The following EPHA6 variants were observed in gnomAD, a reference collection of about 807,000 sequenced individuals.
EPHA6 encodes ephrin type-A receptor 6.
Under a neutral mutation model 112.0 loss-of-function variants are expected in EPHA6, and 50 were observed. The ratio of observed to expected loss-of-function variants is 0.45; its 90% CI spans 0.36 to 0.56. The LOEUF is 0.56. Ranked by LOEUF, EPHA6 falls within the 20% of genes least tolerant of loss-of-function variation. EPHA6 has a pLI of 0.00. For synonymous variants in EPHA6, 529 were observed against 490.7 expected, an observed-to-expected ratio of 1.08 and a Z score of -1.03; for missense variants, 1,280 against 1,417.4, an observed-to-expected ratio of 0.90 and a Z score of 1.56.
chr3:97,760,647 G>A lies in EPHA6; in HGVS notation c.*11946G>A, dbSNP rs892436819. 1.7e-5 allele frequency: 3 copies of A among 180,124 alleles called. No homozygotes were observed. Among genetic ancestry groups the A allele is most frequent in the African/African-American group, 7.1e-5 (3 of 42,336 alleles). The allele number at this position is 180,124 out of a possible 1,614,324, so 11.2% of individuals were successfully genotyped here. ...ATGGTAGATGATATCAACAATTGCAGTGCACTCAAAATGTTATAAAATCTT... is the reference window on the plus strand; with the variant it reads ...ATGGTAGATGATATCAACAATTGCAATGCACTCAAAATGTTATAAAATCTT... On this transcript the variant is annotated 3_prime_UTR_variant, in exon 18 of 18. Coordinates refer to ENST00000389672, the MANE Select transcript of EPHA6 (RefSeq NM_001080448.3).
chr3:97,190,047 G>A (rs1252116682), intron 3 of EPHA6, among the ~76,000 whole-genome samples: 1 of 151,962 alleles, frequency 6.6e-6, no homozygotes, highest in African/African-American at 2.4e-5. Context: ...CTATCTATAA[G>A]CCATGGATAC....
intron 2 of EPHA6, among the ~76,000 whole-genome samples, chr3:96,901,722 G>A (rs113058345): frequency 0.01 from 1,583 of 152,150 alleles, 26 homozygotes; most frequent in African/African-American, 0.036. Flanking sequence ...AGAACAAAGA[G>A]GATCCCTGCT....
intron 9 of EPHA6, among the ~76,000 whole-genome samples, chr3:97,479,572 T>C (rs1422276551): frequency 6.6e-6 from 1 of 152,190 alleles, no homozygotes. Context: ...TTCCCAATTC[T>C]GCTTGCTGGA....
At chr3:97,162,073 A>G (rs1034409197) in intron 3 of EPHA6, among the ~76,000 whole-genome samples, 2 of 152,188 alleles carry the variant, frequency 1.3e-5, no homozygotes, top group Non-Finnish European at 1.5e-5. Flanking sequence ...AGCAGCTGCA[A>G]TTGGAGTCAC....
intron 10 of EPHA6, among the ~76,000 whole-genome samples, chr3:97,496,377 C>T (rs1336543720): frequency 6.6e-6 from 1 of 152,118 alleles, no homozygotes; most frequent in African/African-American, 2.4e-5. Flanking sequence ...TTTCTTTTAT[C>T]ATCACAAACC....
chr3:97,163,539 A>G (rs959234705), intron 3 of EPHA6, among the ~76,000 whole-genome samples: 3 of 152,104 alleles, frequency 2.0e-5, no homozygotes, highest in Non-Finnish European at 4.4e-5. Context: ...AATATAGGAC[A>G]CCTCCTTAGG....
intron 2 of EPHA6, among the ~76,000 whole-genome samples, chr3:96,924,326 G>A (rs1024426163): frequency 8.6e-5 from 13 of 152,038 alleles, no homozygotes; most frequent in Admixed American, 6.6e-5. Flanking sequence ...ATTTCTTTGA[G>A]CAGTATTTTG....
At chr3:97,022,494 A>G (rs1490844707) in intron 3 of EPHA6, among the ~76,000 whole-genome samples, 1 of 152,216 alleles carries the variant, frequency 6.6e-6, no homozygotes, top group Non-Finnish European at 1.5e-5. Context: ...GACAGCTCTT[A>G]TAGCTTTAAG....
At chr3:97,045,472 C>T (rs2045472980) in intron 3 of EPHA6, among the ~76,000 whole-genome samples, 1 of 151,834 alleles carries the variant, frequency 6.6e-6, no homozygotes, top group Non-Finnish European at 1.5e-5. Context: ...CTGCTTTACT[C>T]ATTTCATTTT....
intron 4 of EPHA6, among the ~76,000 whole-genome samples, chr3:97,229,549 A>G (rs887273213): frequency 1.3e-5 from 2 of 152,048 alleles, no homozygotes; most frequent in Admixed American, 1.3e-4. Context: ...ATTAAGGTGA[A>G]CATTTGCCCT....
At chr3:97,095,434 A>G (rs2047206708) in intron 3 of EPHA6, among the ~76,000 whole-genome samples, 2 of 151,582 alleles carry the variant, frequency 1.3e-5, no homozygotes, top group Admixed American at 6.6e-5. Flanking sequence ...CATGTACCCT[A>G]GAACTTCAAG....
chr3:96,912,872 A>G (rs1282339062), intron 2 of EPHA6, among the ~76,000 whole-genome samples: 1 of 152,108 alleles, frequency 6.6e-6, no homozygotes, highest in Admixed American at 6.6e-5. Context: ...GATTCCAGGC[A>G]TGAGCCACTG....
intron 1 of EPHA6, among the ~76,000 whole-genome samples, chr3:96,857,465 A>G (rs891438906): frequency 3.3e-5 from 5 of 151,512 alleles, no homozygotes; most frequent in African/African-American, 1.2e-4. Flanking sequence ...CAATAGAGAA[A>G]TATGCCAAAA....
intron 10 of EPHA6, among the ~76,000 whole-genome samples, chr3:97,504,410 C>T (rs746681482): frequency 2.6e-5 from 4 of 152,294 alleles, no homozygotes; most frequent in Admixed American, 6.5e-5. Flanking sequence ...ATGATGAGGC[C>T]TAGCATCTCA....
chr3:97,467,541 G>T (rs894601615), intron 7 of EPHA6, among the ~76,000 whole-genome samples: 8 of 151,682 alleles, frequency 5.3e-5, no homozygotes, highest in African/African-American at 1.9e-4. Context: ...GAACATCATT[G>T]GTTCCAGGTC....
At chr3:97,180,236 T>C (rs1162203737) in intron 3 of EPHA6, among the ~76,000 whole-genome samples, 1 of 152,026 alleles carries the variant, frequency 6.6e-6, no homozygotes, top group Non-Finnish European at 1.5e-5. Flanking sequence ...CAAGGTCTCT[T>C]GCTTGTCATG....
At chr3:97,316,449 C>A (rs895131284) in intron 5 of EPHA6, among the ~76,000 whole-genome samples, 2 of 151,818 alleles carry the variant, frequency 1.3e-5, no homozygotes, top group African/African-American at 4.8e-5. Flanking sequence ...AAGGAGAAAC[C>A]TCACAGAGAA....
At chr3:97,180,104 G>A (rs140215102) in intron 3 of EPHA6, among the ~76,000 whole-genome samples, 105 of 152,122 alleles carry the variant, frequency 6.9e-4, no homozygotes, top group Middle Eastern at 6.8e-3. Context: ...CTTAAATCAC[G>A]AAATGCAGCT....
At chr3:97,344,496 A>G (rs1295643512) in intron 5 of EPHA6, among the ~76,000 whole-genome samples, 4 of 151,984 alleles carry the variant, frequency 2.6e-5, no homozygotes, top group Non-Finnish European at 5.9e-5. Flanking sequence ...TCTCCTCTCC[A>G]CCATGTGAGG....
Sources: gnomAD v4.1 joint callset for allele counts (sites outside exome capture counted in the v4.1 genomes callset) on GRCh38, gnomAD v4.1.1 for gene constraint, MANE v1.5 for transcripts, NCBI Gene and HGNC (gene_info 2026-07-23, HGNC 2026-07-21) for gene names.